GALNT18: variants seen among roughly 807,000 people sequenced by gnomAD.
GALNT18 encodes polypeptide N-acetylgalactosaminyltransferase 18, also known as GalNAc-transferase 18.
GALNT18 carries 44 observed loss-of-function variants against 69.5 expected under a neutral mutation model. That is an observed-to-expected ratio of 0.63 (90% confidence interval 0.50 to 0.81). GALNT18 has a LOEUF of 0.81. Among genes scored for constraint, GALNT18 ranks in the 40% least tolerant of loss-of-function variants. The pLI is 0.00. For missense variants in GALNT18, 715 were observed against 810.0 expected, an observed-to-expected ratio of 0.88 and a Z score of 1.42; for synonymous variants, 364 against 318.2, an observed-to-expected ratio of 1.14 and a Z score of -1.53.
chr11:11,282,753 C>T (rs1032966564), intron 10 of GALNT18, among the ~76,000 whole-genome samples: 2 of 152,138 alleles, frequency 1.3e-5, no homozygotes, highest in Non-Finnish European at 2.9e-5. Flanking sequence ...TCCTTCCATC[C>T]ATTCAACACA....
Position 11,293,081 on chromosome 11 carries a change from T to G in GALNT18, c.1625A>C (p.Glu542Ala). 1 of 1,388,980 alleles carries G rather than the reference T, an allele frequency of 7.2e-7. No individual in the cohort carries two copies. The highest frequency in any genetic ancestry group is 9.4e-7 in the Non-Finnish European group (1 of 1,062,622). The allele number at this position is 1,388,980 out of a possible 1,614,324, so 86.0% of individuals were successfully genotyped here. ...CCTCTTGGCTTTGGCGTAGCTGCAT[T>G]CGATGAGCCGGGGCCGGCTGTTGAC... is the stretch of plus-strand genomic sequence containing the variant. ...VDVNSRPRLIECSYAKAKRMK... is the reference protein window; with the variant it reads ...VDVNSRPRLIACSYAKAKRMK... The change falls in exon 10 of 11, where the codon GAA (glutamate) becomes GCA (alanine). Residue 542 changes from glutamate to alanine, a missense_variant. Physicochemically the swap from Glu to Ala is moderately radical, Grantham distance 107. Transcript: ENST00000227756.
chr11:11,355,653 A>G (rs1367889827), intron 6 of GALNT18, among the ~76,000 whole-genome samples: 1 of 152,212 alleles, frequency 6.6e-6, no homozygotes, highest in Non-Finnish European at 1.5e-5. Flanking sequence ...TCTGTCTTAA[A>G]ATCATGGTCT....
At chr11:11,560,215 A>G (rs115955786) in intron 1 of GALNT18, among the ~76,000 whole-genome samples, 959 of 7,610 alleles carry the variant, frequency 0.13, no homozygotes, top group East Asian at 0.2. Context: ...AATAGAATGG[A>G]ATATGAAGGG....
chr11:11,408,578 C>T (rs1365344256), intron 3 of GALNT18, among the ~76,000 whole-genome samples: 1 of 152,080 alleles, frequency 6.6e-6, no homozygotes, highest in Non-Finnish European at 1.5e-5. Context: ...GACTCCTACT[C>T]TCCCACTTAA....
At chr11:11,484,876 G>C (rs555627673) in intron 1 of GALNT18, among the ~76,000 whole-genome samples, 1 of 152,340 alleles carries the variant, frequency 6.6e-6, no homozygotes, top group African/African-American at 2.4e-5. Context: ...ACTAAAAGAA[G>C]AGGCCCCAGG....
intron 3 of GALNT18, among the ~76,000 whole-genome samples, chr11:11,428,622 T>C (rs1855191535): frequency 6.6e-6 from 1 of 152,222 alleles, no homozygotes; most frequent in Non-Finnish European, 1.5e-5. Context: ...TCAGAGGCCC[T>C]GCTCCAAACT....
At chr11:11,293,683 A>AGAT (rs1168830934) in intron 9 of GALNT18, among the ~76,000 whole-genome samples, 1 of 151,952 alleles carries the variant, frequency 6.6e-6, no homozygotes, top group African/African-American at 2.4e-5. Flanking sequence ...CTGGGATTAC[A>AGAT]GATGCGCACC....
chr11:11,381,739 GC>G (rs1236744189), intron 3 of GALNT18, among the ~76,000 whole-genome samples: 3 of 152,168 alleles, frequency 2.0e-5, no homozygotes, highest in Non-Finnish European at 4.4e-5. Flanking sequence ...GGTGAGTGAG[GC>G]CCTCGTGGAT....
intron 6 of GALNT18, among the ~76,000 whole-genome samples, chr11:11,349,204 T>A (rs554899593): frequency 6.6e-5 from 10 of 152,308 alleles, no homozygotes; most frequent in African/African-American, 2.2e-4. Context: ...TATGCTCTCT[T>A]TAGTTGGTCG....
rs536288745 is a variant in GALNT18 at position 11,538,584 on chromosome 11, T to C, written c.235+82775A>G. Among the ~76,000 whole-genome samples the C allele has an allele frequency of 3.7e-4, 57 of 152,266 alleles. No individual in the cohort carries two copies. The highest frequency in any genetic ancestry group is 5.7e-4 in the Non-Finnish European group (39 of 68,018). On this transcript the variant is annotated intron_variant, in intron 1 of 10. Coordinates refer to ENST00000227756, the MANE Select transcript of GALNT18 (RefSeq NM_198516.3). This position sits in a 1 kb window ranked among gnomAD's most constrained non-coding sequence, Gnocchi z 5.2. ...ATAGCCCTGGAGCTCGCGGCACTCCTCTCAGGGGCCTCGTCAGCAGCTCCT... is the reference window on the plus strand; with the variant it reads ...ATAGCCCTGGAGCTCGCGGCACTCCCCTCAGGGGCCTCGTCAGCAGCTCCT...
intron 9 of GALNT18, among the ~76,000 whole-genome samples, chr11:11,293,812 G>C (rs16909357): frequency 0.16 from 23,768 of 152,066 alleles, 1,965 homozygotes; most frequent in East Asian, 0.23. Flanking sequence ...TTTACAGATT[G>C]CCTGATTTCC....
chr11:11,284,937 T>C (rs11608056), intron 10 of GALNT18, among the ~76,000 whole-genome samples: 23,057 of 115,366 alleles, frequency 0.2, 2,218 homozygotes, highest in South Asian at 0.27. Context: ...TTTTAACTAC[T>C]TGGGCGTTCT....
chr11:11,353,648 A>G (rs1427627960), intron 6 of GALNT18, among the ~76,000 whole-genome samples: 1 of 152,154 alleles, frequency 6.6e-6, no homozygotes, highest in Admixed American at 6.5e-5. Context: ...ACACATATGA[A>G]TGGCTCATTA....
chr11:11,501,083 TA>T (rs1165954889), intron 1 of GALNT18, among the ~76,000 whole-genome samples: 1 of 152,214 alleles, frequency 6.6e-6, no homozygotes, highest in Non-Finnish European at 1.5e-5. Context: ...CTCACAGAGA[TA>T]AAAAATGACC....
intron 6 of GALNT18, chr11:11,353,395 C>G (rs1282999938): frequency 1.8e-6 from 1 of 554,608 alleles, no homozygotes; most frequent in African/African-American, 1.9e-5. Context: ...ATTTACTCAG[C>G]ATATTCAGAG....
chr11:11,501,464 T>A (rs1856970470), intron 1 of GALNT18, among the ~76,000 whole-genome samples: 1 of 152,220 alleles, frequency 6.6e-6, no homozygotes, highest in African/African-American at 2.4e-5. Flanking sequence ...TATTAAGGCA[T>A]CAGAGGTGAT....
At chr11:11,572,237 G>T (rs530463133) in intron 1 of GALNT18, among the ~76,000 whole-genome samples, 49 of 152,270 alleles carry the variant, frequency 3.2e-4, no homozygotes, top group African/African-American at 1.1e-3. Context: ...GTAACCACTC[G>T]GCCTCAGTTT....
At chr11:11,281,114 C>T (rs1849064386) in intron 10 of GALNT18, among the ~76,000 whole-genome samples, 1 of 152,222 alleles carries the variant, frequency 6.6e-6, no homozygotes, top group Non-Finnish European at 1.5e-5. Context: ...CCCCACCATG[C>T]TGGGAGCAGC....
rs887703739 is a variant in GALNT18, at chr11:11,480,585, C to T, written c.236-31649G>A. Among the ~76,000 whole-genome samples, 1 of 152,196 alleles carries T rather than the reference C, an allele frequency of 6.6e-6. No individual in the cohort carries two copies. Among genetic ancestry groups the T allele is most frequent in the Non-Finnish European group, 1.5e-5 (1 of 68,034 alleles). On this transcript the variant is annotated intron_variant, in intron 1 of 10. Coordinates refer to ENST00000227756, the MANE Select transcript of GALNT18 (RefSeq NM_198516.3). The surrounding 1 kb of genome is among the most constrained non-coding windows in gnomAD (Gnocchi z 4.6). ...GGCTCTGAGCAGTCTCTGGTCACCACCTGGTCCCAGTACTGGTTTTGAGAT... is the reference window on the plus strand; with the variant it reads ...GGCTCTGAGCAGTCTCTGGTCACCATCTGGTCCCAGTACTGGTTTTGAGAT...
Sources: gnomAD v4.1 joint callset for allele counts (sites outside exome capture counted in the v4.1 genomes callset) on GRCh38, gnomAD v4.1.1 for gene constraint, Gnocchi (gnomAD v3.1) non-coding constraint, MANE v1.5 for transcripts, NCBI Gene and HGNC (gene_info 2026-07-23, HGNC 2026-07-21) for gene names.